NDUFV2: variants seen among roughly 807,000 people sequenced by gnomAD.
NDUFV2 encodes the protein NADH dehydrogenase [ubiquinone] flavoprotein 2, mitochondrial.
In NDUFV2, 18 loss-of-function variants were observed where a neutral mutation model predicts 31.6. That is an observed-to-expected ratio of 0.57 (90% CI 0.39 to 0.84). The LOEUF is 0.84. Among genes scored for constraint, NDUFV2 ranks in the 40% least tolerant of loss-of-function variants. The pLI, the probability that NDUFV2 is intolerant of heterozygous loss-of-function variation, is 0.00. For synonymous variants in NDUFV2, 83 were observed against 99.8 expected, an observed-to-expected ratio of 0.83 and a Z score of 1.01; for missense variants, 314 against 303.6, an observed-to-expected ratio of 1.03 and a Z score of -0.26.
At chr18:9,113,198 G>A (rs533502039) in intron 1 of NDUFV2, among the ~76,000 whole-genome samples, 3 of 152,278 alleles carry the variant, frequency 2.0e-5, no homozygotes, top group Admixed American at 2.0e-4. Context: ...TGTATTTCAT[G>A]GAAAGTGTTT....
chr18:9,118,823 T>G (rs868409741), intron 2 of NDUFV2, among the ~76,000 whole-genome samples: 1 of 147,458 alleles, frequency 6.8e-6, no homozygotes, highest in Non-Finnish European at 1.5e-5. Flanking sequence ...CTGTTTTTTT[T>G]TTTTTTTTTT....
intron 1 of NDUFV2, 21 bp from the exon 2 acceptor site, chr18:9,117,817 T>C (rs772298573): frequency 4.7e-6 from 7 of 1,477,156 alleles, no homozygotes; most frequent in African/African-American, 1.4e-5. Flanking sequence ...TACTAAACTT[T>C]CTTAAAATTT....
intron 1 of NDUFV2, among the ~76,000 whole-genome samples, chr18:9,111,552 C>T (rs1375773071): frequency 6.6e-6 from 1 of 151,792 alleles, no homozygotes; most frequent in African/African-American, 2.4e-5. Context: ...CCTCAGCCTC[C>T]TGGTTAGCTG....
At chr18:9,114,682 C>T (rs2077889325) in intron 1 of NDUFV2, among the ~76,000 whole-genome samples, 2 of 152,078 alleles carry the variant, frequency 1.3e-5, no homozygotes, top group South Asian at 4.2e-4. Flanking sequence ...AAACCCAAGG[C>T]CTCAACAACT....
chr18:9,119,641 A>G, intron 4 of NDUFV2, 51 bp downstream of exon 4: 1 of 1,436,186 alleles, frequency 7.0e-7, no homozygotes, highest in Non-Finnish European at 9.8e-7. Context: ...ATTGTGTATG[A>G]TAATTTCCTT....
At position 9,126,827 on chromosome 18, in the gene NDUFV2, C is replaced by T; in HGVS notation, c.580-4C>T. Reference sequence around the variant, plus strand: ...AATATGACTATTGTTAATTTTTTTTCCAGGAGGATTTGACAGCTAAGGATA... The same window carrying T: ...AATATGACTATTGTTAATTTTTTTTTCAGGAGGATTTGACAGCTAAGGATA... On this transcript the variant is annotated splice_region_variant and splice_polypyrimidine_tract_variant and intron_variant, in intron 6 of 7. Transcript: ENST00000318388. 1 of 1,610,176 alleles carries T rather than the reference C, an allele frequency of 6.2e-7. No individual in the cohort carries two copies. The highest frequency in any genetic ancestry group is 8.5e-7 in the Non-Finnish European group (1 of 1,176,978).
chr18:9,125,007 TTA>T (rs1302077564), intron 6 of NDUFV2, 24 bp downstream of exon 6: 9 of 1,608,892 alleles, frequency 5.6e-6, no homozygotes, highest in Non-Finnish European at 6.8e-6. Context: ...GTAATACAAG[TTA>T]AAGTTGTATG....
chr18:9,125,028 T>G, intron 6 of NDUFV2, 45 bp downstream of exon 6: 1 of 1,557,616 alleles, frequency 6.4e-7, no homozygotes, highest in Non-Finnish European at 8.8e-7. Context: ...TGATGTCATA[T>G]TTAAAACATT....
At chr18:9,105,427 T>C (rs1168047436) in intron 1 of NDUFV2, among the ~76,000 whole-genome samples, 2 of 152,244 alleles carry the variant, frequency 1.3e-5, no homozygotes, top group Non-Finnish European at 2.9e-5. Flanking sequence ...CATAGGTGAT[T>C]GTAGTAATTG....
rs1319984741 is a variant in NDUFV2, at chr18:9,119,499, A to G, written c.209A>G (p.Tyr70Cys). 6.2e-7 allele frequency: 1 copy of G among 1,613,862 alleles called. No individual in the cohort carries two copies. The highest frequency in any genetic ancestry group is 1.1e-5 in the South Asian group (1 of 91,068). The change falls in exon 4 of 8, where the codon TAT becomes TGT. Residue 70 changes from tyrosine (Y) to cysteine (C), a missense_variant. Transcript: ENST00000318388. The part of the protein sequence containing the change: ...YKRIEAIVKN[Y>C]PEGHKAAAVL... ...AGGATAGAGGCAATTGTAAAAAACT[A>G]TCCAGAAGGCCATAAAGCAGCAGCT... is the stretch of plus-strand genomic sequence containing the variant.
intron 1 of NDUFV2, among the ~76,000 whole-genome samples, chr18:9,108,909 T>G (rs1479569225): frequency 1.3e-5 from 2 of 152,178 alleles, no homozygotes. Context: ...TAGGCTGGTC[T>G]CAAACTCCTG....
At chr18:9,120,658 A>G (rs983680004) in intron 4 of NDUFV2, among the ~76,000 whole-genome samples, 1 of 84,870 alleles carries the variant, frequency 1.2e-5, no homozygotes, top group East Asian at 2.9e-4. Flanking sequence ...TGCATTGTAT[A>G]GTACTATAAC....
intron 1 of NDUFV2, chr18:9,104,927 A>G: frequency 6.6e-7 from 1 of 1,512,594 alleles, no homozygotes; most frequent in Non-Finnish European, 9.0e-7. Context: ...TAACATTTTG[A>G]TGTCTACACA....
chr18:9,130,946 C>T (rs1178589467), intron 7 of NDUFV2, among the ~76,000 whole-genome samples: 1 of 152,210 alleles, frequency 6.6e-6, no homozygotes, highest in African/African-American at 2.4e-5. Context: ...ACAGTTGACT[C>T]TTGAACACCA....
At chr18:9,124,149 C>T (rs565497894) in intron 5 of NDUFV2, among the ~76,000 whole-genome samples, 1 of 150,356 alleles carries the variant, frequency 6.7e-6, no homozygotes, top group South Asian at 2.1e-4. Context: ...AACAAGTCCA[C>T]TAAAAACTTC....
chr18:9,104,247 A>T, intron 1 of NDUFV2: 1 of 1,612,692 alleles, frequency 6.2e-7, no homozygotes, highest in Non-Finnish European at 8.5e-7. Context: ...TCCCAAATGA[A>T]ATAAGGGAGA....
Position 9,134,249 on chromosome 18 carries a change from A to G in NDUFV2, c.720A>G (p.Gly240=). 6.2e-7 allele frequency: 1 copy of G among 1,612,914 alleles called. No individual in the cohort carries two copies. The highest frequency in any genetic ancestry group is 8.5e-7 in the Non-Finnish European group (1 of 1,179,852). Reference sequence around the variant, plus strand: ...CCTCTTTGACTGAACCACCCAAGGGACCTGGATTTGGTGTACAAGCAGGCC... The same window carrying G: ...CCTCTTTGACTGAACCACCCAAGGGGCCTGGATTTGGTGTACAAGCAGGCC... ...GLTSLTEPPK[G]PGFGVQAGL is the part of the protein sequence containing the mutation. The change falls in exon 8 of 8, where the codon GGA becomes GGG. Residue 240 remains glycine (G), a synonymous_variant. Coordinates refer to ENST00000318388, the MANE Select transcript of NDUFV2 (RefSeq NM_021074.5).
chr18:9,111,389 A>G (rs1201669293), intron 1 of NDUFV2, among the ~76,000 whole-genome samples: 1 of 152,154 alleles, frequency 6.6e-6, no homozygotes, highest in Non-Finnish European at 1.5e-5. Context: ...AGTACTTACC[A>G]TCTGCCAAGC....
chr18:9,126,058 C>G (rs1159478027), intron 6 of NDUFV2, among the ~76,000 whole-genome samples: 3 of 152,092 alleles, frequency 2.0e-5, no homozygotes, highest in African/African-American at 7.2e-5. Context: ...TTTGGTTTTC[C>G]TTGAGAATTT....
Sources: allele counts gnomAD v4.1 joint callset (sites outside exome capture counted in the v4.1 genomes callset), GRCh38; gene constraint gnomAD v4.1.1; transcripts MANE v1.5; gene names NCBI Gene and HGNC (gene_info 2026-07-23, HGNC 2026-07-21).